Variants in MEGF11 observed in about 807,000 individuals in gnomAD.
MEGF11 encodes the protein multiple epidermal growth factor-like domains protein 11.
MEGF11 carries 126 observed loss-of-function variants against 146.6 expected under a neutral mutation model. That is an observed-to-expected ratio of 0.86 (90% CI 0.74 to 1.00). MEGF11 has a LOEUF of 1.00. MEGF11 is among the 50% of genes least tolerant of loss of function. The probability of loss-of-function intolerance (pLI) is 0.00; values close to 1 mark genes in which losing one functional copy is unlikely to be tolerated. For missense variants in MEGF11, 1,509 were observed against 1,521.2 expected (o/e 0.99, Z 0.13); for synonymous variants, 532 against 583.4 (o/e 0.91, Z 1.27).
At chr15:66,251,988 G>C (rs1425342420) in intron 1 of MEGF11, among the ~76,000 whole-genome samples, 1 of 152,186 alleles carries the variant, frequency 6.6e-6, no homozygotes, top group Non-Finnish European at 1.5e-5. Context: ...AGGGAGTGAC[G>C]GCAGAGGGAC....
At chr15:66,082,192 G>T (rs2085885767) in intron 5 of MEGF11, among the ~76,000 whole-genome samples, 1 of 151,996 alleles carries the variant, frequency 6.6e-6, no homozygotes, top group Non-Finnish European at 1.5e-5. Context: ...CTGCTTGATA[G>T]TTGGGTGAAT....
At chr15:66,078,759 G>T (rs904217572) in intron 5 of MEGF11, among the ~76,000 whole-genome samples, 3 of 152,188 alleles carry the variant, frequency 2.0e-5, no homozygotes, top group African/African-American at 7.2e-5. Context: ...AACGCCAGCT[G>T]GGCTCCCGCC....
At chr15:66,088,245 A>T (rs746883671) in intron 5 of MEGF11, among the ~76,000 whole-genome samples, 7 of 152,246 alleles carry the variant, frequency 4.6e-5, no homozygotes, top group Non-Finnish European at 8.8e-5. Flanking sequence ...TCTACTAGAC[A>T]CTCAAAGAAG....
chr15:66,005,525 A>C (rs1183441721), intron 5 of MEGF11, among the ~76,000 whole-genome samples: 1 of 152,230 alleles, frequency 6.6e-6, no homozygotes, highest in Non-Finnish European at 1.5e-5. Flanking sequence ...GGAAGCAAAA[A>C]AGGCAGGAGT....
At chr15:66,116,241 C>T (rs1258750216) in intron 4 of MEGF11, among the ~76,000 whole-genome samples, 1 of 152,222 alleles carries the variant, frequency 6.6e-6, no homozygotes, top group Non-Finnish European at 1.5e-5. Context: ...GCCTTTTTCA[C>T]ATCCAGTCTC....
intron 7 of MEGF11, among the ~76,000 whole-genome samples, chr15:65,977,147 C>T (rs2081477218): frequency 1.5e-5 from 2 of 135,386 alleles, no homozygotes; most frequent in Non-Finnish European, 3.3e-5. Flanking sequence ...CCAGCCTGGG[C>T]AAGATTGAGA....
chr15:66,122,928 C>T (rs537138832), intron 3 of MEGF11, among the ~76,000 whole-genome samples: 35 of 152,160 alleles, frequency 2.3e-4, no homozygotes, highest in Non-Finnish European at 3.1e-4. Context: ...GGACTACAGG[C>T]GCCCACCACC....
intron 19 of MEGF11, 137 bp from the exon 20 acceptor site, chr15:65,914,110 A>C: frequency 1.5e-6 from 1 of 656,398 alleles, no homozygotes; most frequent in Non-Finnish European, 2.7e-6. Context: ...CTGAGTCCCT[A>C]TGTGACTACC....
chr15:66,147,977 T>C (rs967242143), intron 1 of MEGF11, among the ~76,000 whole-genome samples: 1 of 152,138 alleles, frequency 6.6e-6, no homozygotes, highest in African/African-American at 2.4e-5. Context: ...ATGGGAGCCA[T>C]GCATAGGAAG....
At chr15:65,962,171 G>T (rs1245967312) in intron 9 of MEGF11, among the ~76,000 whole-genome samples, 1 of 152,170 alleles carries the variant, frequency 6.6e-6, no homozygotes, top group Non-Finnish European at 1.5e-5. Flanking sequence ...AATCTCAAGA[G>T]AAGACTCTAT....
intron 2 of MEGF11, among the ~76,000 whole-genome samples, chr15:66,125,634 G>A (rs981373862): frequency 1.3e-5 from 2 of 152,138 alleles, no homozygotes; most frequent in African/African-American, 4.8e-5. Flanking sequence ...TATCTCTCAG[G>A]GCAGTGGGAA....
intron 1 of MEGF11, among the ~76,000 whole-genome samples, chr15:66,188,591 C>A (rs1207165858): frequency 6.6e-6 from 1 of 152,170 alleles, no homozygotes; most frequent in African/African-American, 2.4e-5. Flanking sequence ...CAGATGGGGA[C>A]CCCAGGGCCC....
intron 1 of MEGF11, among the ~76,000 whole-genome samples, chr15:66,151,516 G>T (rs1023453291): frequency 1.3e-5 from 2 of 152,140 alleles, no homozygotes; most frequent in Non-Finnish European, 2.9e-5. Flanking sequence ...TGTCAAGGAA[G>T]CTCACCACAC....
chr15:66,225,438 G>A (rs1170072855), intron 1 of MEGF11, among the ~76,000 whole-genome samples: 1 of 152,210 alleles, frequency 6.6e-6, no homozygotes, highest in Admixed American at 6.5e-5. Context: ...GTGAGGAGCG[G>A]GGAGACCAGC....
intron 1 of MEGF11, among the ~76,000 whole-genome samples, chr15:66,132,551 T>C (rs1055770454): frequency 6.6e-6 from 1 of 152,036 alleles, no homozygotes; most frequent in Non-Finnish European, 1.5e-5. Flanking sequence ...GTGGCAGCAG[T>C]CAGACACTAT....
At position 65,909,740 on chromosome 15, in the gene MEGF11, C is replaced by G. The variant is rs896292046; in HGVS notation, c.2896G>C (p.Asp966His). 4.4e-6 allele frequency: 7 copies of G among 1,575,310 alleles called. No homozygotes were observed. Among genetic ancestry groups the G allele is most frequent in the Non-Finnish European group, 6.0e-6 (7 of 1,168,456 alleles). ...GGACCAGACTCACACCACTACTGAC[C>G]TAACACGTTCACATAGCTGTAGGGG... Reference protein sequence around the residue: ...WTPYSYVNVLDSHFQISALEA... With the variant: ...WTPYSYVNVLHSHFQISALEA... Residue 966 changes from aspartate to histidine, a missense_variant and splice_region_variant, in exon 22 of 26, where the codon GAC becomes CAC. Physicochemically the swap from Asp to His is moderately conservative, Grantham distance 81 (BLOSUM62 -1). Coordinates refer to ENST00000395614, the MANE Select transcript of MEGF11 (RefSeq NM_001385028.1).
chr15:65,964,184 G>T (rs2080972907), intron 9 of MEGF11, among the ~76,000 whole-genome samples: 1 of 152,226 alleles, frequency 6.6e-6, no homozygotes, highest in Non-Finnish European at 1.5e-5. Flanking sequence ...GGGGAGCTGG[G>T]AGCAGTAGCC....
chr15:65,922,270 C>T (rs1368698343), intron 15 of MEGF11, 68 bp downstream of exon 15: 17 of 1,557,308 alleles, frequency 1.1e-5, no homozygotes, highest in Non-Finnish European at 1.5e-5. Flanking sequence ...CAAGCCCTTC[C>T]TTCCCTGCCA....
At chr15:66,009,285 A>G (rs1050232866) in intron 5 of MEGF11, among the ~76,000 whole-genome samples, 3 of 150,572 alleles carry the variant, frequency 2.0e-5, no homozygotes, top group African/African-American at 7.4e-5. Context: ...TGAGTGCTAT[A>G]AATTACCAGT....
Sources: allele counts gnomAD v4.1 joint callset (sites outside exome capture counted in the v4.1 genomes callset), GRCh38; gene constraint gnomAD v4.1.1; transcripts MANE v1.5; gene names NCBI Gene and HGNC (gene_info 2026-07-23, HGNC 2026-07-21).